The following ARFIP1 variants were observed in gnomAD, a reference collection of about 807,000 sequenced individuals.
The protein encoded by ARFIP1 is arfaptin-1.
ARFIP1 carries 24 observed loss-of-function variants against 42.5 expected under a neutral mutation model. The observed-to-expected ratio is 0.57, with a 90% confidence interval of 0.41 to 0.80. The LOEUF is 0.80. ARFIP1 is among the 30% of genes least tolerant of loss of function. The pLI is 0.00. For synonymous variants in ARFIP1, 141 were observed against 153.7 expected (o/e 0.92, Z 0.61); for missense variants, 354 against 434.0 (o/e 0.82, Z 1.64).
At chr4:152,863,471 G>C (rs1005275275) in intron 2 of ARFIP1, 135 bp from the exon 3 acceptor site, 1 of 531,510 alleles carries the variant, frequency 1.9e-6, no homozygotes, top group African/African-American at 1.9e-5. Flanking sequence ...AGAATGCCAT[G>C]ATAGCATAAG....
chr4:152,850,669 C>CA (rs1370071422), intron 2 of ARFIP1: 4 of 152,194 alleles, frequency 2.6e-5, no homozygotes, highest in Non-Finnish European at 5.9e-5. Context: ...AATCACCACA[C>CA]AGCTAAGAGC....
intron 8 of ARFIP1, among the ~76,000 whole-genome samples, chr4:152,903,145 A>G (rs1203745585): frequency 6.6e-6 from 1 of 152,224 alleles, no homozygotes; most frequent in East Asian, 1.9e-4. Context: ...AGGACATTAT[A>G]CACATGCATA....
intron 2 of ARFIP1, among the ~76,000 whole-genome samples, chr4:152,832,619 T>A (rs983024634): frequency 6.6e-6 from 1 of 152,246 alleles, no homozygotes; most frequent in South Asian, 2.1e-4. Flanking sequence ...CCTTCTGTAG[T>A]AATTTTTATG....
At position 152,829,750 on chromosome 4, in the gene ARFIP1, A is replaced by G. The variant is rs947630102; in HGVS notation, c.93+24A>G. On this transcript the variant is annotated intron_variant, in intron 2 of 8. Transcript: ENST00000353617. ...GGGTAAGAACACTTTTCTTTCTCTT[A>G]ATGCAAAGAATCATGGTAAGTCTTT... 9.9e-6 allele frequency: 15 copies of G among 1,516,560 alleles called. No homozygotes were observed. In the African/African-American group the frequency reaches 1.5e-4, roughly 15 times the overall value. The allele number at this position is 1,516,560 out of a possible 1,614,324, so 93.9% of individuals were successfully genotyped here. A position where few individuals can be genotyped will look rare whatever the true frequency, so the allele number is the denominator to read the frequency against.
At chr4:152,784,531 C>T (rs1173231664) in intron 1 of ARFIP1, among the ~76,000 whole-genome samples, 2 of 152,108 alleles carry the variant, frequency 1.3e-5, no homozygotes, top group Admixed American at 6.5e-5. Context: ...CACTTTTTTC[C>T]CTTAATGAAC....
intron 8 of ARFIP1, among the ~76,000 whole-genome samples, chr4:152,889,774 CTATATAT>C (rs1736634935): frequency 2.8e-5 from 1 of 35,980 alleles, no homozygotes; most frequent in African/African-American, 1.5e-4. Flanking sequence ...ATACTATATA[CTATATAT>C]ACTATATATT....
intron 8 of ARFIP1, among the ~76,000 whole-genome samples, chr4:152,901,528 G>T (rs939287812): frequency 6.6e-6 from 1 of 152,124 alleles, no homozygotes; most frequent in African/African-American, 2.4e-5. Context: ...AGATGTTTAC[G>T]AAAGTTCTTC....
At chr4:152,900,910 T>C (rs1737777891) in intron 8 of ARFIP1, among the ~76,000 whole-genome samples, 1 of 152,246 alleles carries the variant, frequency 6.6e-6, no homozygotes. Context: ...AAACCCCTAT[T>C]TCATAGAATT....
chr4:152,852,541 G>A (rs1183779475), intron 2 of ARFIP1, among the ~76,000 whole-genome samples: 1 of 152,002 alleles, frequency 6.6e-6, no homozygotes, highest in Non-Finnish European at 1.5e-5. Flanking sequence ...GCTGAGGCAG[G>A]AGAATTGCTT....
At position 152,912,186 on chromosome 4, in the gene ARFIP1, T is replaced by C. The variant is rs1029080169; in HGVS notation, c.*1967T>C. 3 of 152,180 alleles carry C rather than the reference T, an allele frequency of 2.0e-5. No individual in the cohort carries two copies. The highest frequency in any genetic ancestry group is 6.5e-5 in the Admixed American group (1 of 15,274). 9.4% of individuals were successfully genotyped at this position (152,180 alleles called of 1,614,324 possible). ...AAATTTAAAATATCCATGATTCTGA[T>C]AGTGGGCACATGACCAAAAGAAAAA... On this transcript the variant is annotated 3_prime_UTR_variant, in exon 9 of 9. Coordinates refer to ENST00000353617, the MANE Select transcript of ARFIP1 (RefSeq NM_001025595.3).
intron 1 of ARFIP1, among the ~76,000 whole-genome samples, chr4:152,804,453 TATATATA>T (rs1220074712): frequency 1.9e-4 from 21 of 111,590 alleles, no homozygotes; most frequent in African/African-American, 3.1e-4. Context: ...TTATATATAT[TATATATA>T]ATATATAATA....
intron 1 of ARFIP1, among the ~76,000 whole-genome samples, chr4:152,805,398 A>C (rs753635821): frequency 3.9e-5 from 6 of 152,246 alleles, no homozygotes; most frequent in Non-Finnish European, 2.9e-5. Flanking sequence ...TATTGATCCA[A>C]ATCATGGTTG....
chr4:152,813,328 A>G (rs1296951492), intron 1 of ARFIP1, among the ~76,000 whole-genome samples: 3 of 152,108 alleles, frequency 2.0e-5, no homozygotes, highest in Admixed American at 6.5e-5. Context: ...GGGTCCTGGA[A>G]CCAGTCCCCC....
chr4:152,887,446 G>A (rs531735847), intron 7 of ARFIP1, among the ~76,000 whole-genome samples: 3 of 152,170 alleles, frequency 2.0e-5, no homozygotes, highest in Non-Finnish European at 4.4e-5. Flanking sequence ...CACTTGAAAT[G>A]TGGCTAGTCT....
chr4:152,904,964 A>G (rs1370242261), intron 8 of ARFIP1, among the ~76,000 whole-genome samples: 1 of 152,196 alleles, frequency 6.6e-6, no homozygotes, highest in Non-Finnish European at 1.5e-5. Context: ...TCCTTGAGGA[A>G]TCACCACACT....
At chr4:152,886,831 G>C (rs1342422912) in intron 7 of ARFIP1, among the ~76,000 whole-genome samples, 1 of 151,932 alleles carries the variant, frequency 6.6e-6, no homozygotes, top group African/African-American at 2.4e-5. Context: ...GAATGAATCA[G>C]TGTATCAGTG....
At chr4:152,895,028 T>C (rs1737192270) in intron 8 of ARFIP1, among the ~76,000 whole-genome samples, 2 of 152,184 alleles carry the variant, frequency 1.3e-5, no homozygotes, top group African/African-American at 4.8e-5. Flanking sequence ...GACCAGAGCA[T>C]AGGGAGACAG....
rs1401008024 is a variant in ARFIP1 at position 152,883,406 on chromosome 4, CA to C, written c.791+527del. On this transcript the variant is annotated intron_variant, in intron 7 of 8. Transcript: ENST00000353617. ...TCCACAATAGCCAGACCCATACTTT[CA>C]GTTTCTATTGAATAAATAAGCTCAT... 7.2e-5 allele frequency: 11 copies of C among 152,238 alleles called. No homozygotes were observed. In the East Asian group the frequency reaches 2.1e-3, roughly 29 times the overall value. The allele number at this position is 152,238 out of a possible 1,614,324, so 9.4% of individuals were successfully genotyped here. A position where few individuals can be genotyped will look rare whatever the true frequency, so the allele number is the denominator to read the frequency against.
chr4:152,896,816 G>C (rs1737373523), intron 8 of ARFIP1, among the ~76,000 whole-genome samples: 1 of 150,654 alleles, frequency 6.6e-6, no homozygotes, highest in Non-Finnish European at 1.5e-5. Context: ...TCCAAAATGA[G>C]ACTTAAAATA....
Sources: gnomAD v4.1 joint callset for allele counts (sites outside exome capture counted in the v4.1 genomes callset) on GRCh38, gnomAD v4.1.1 for gene constraint, MANE v1.5 for transcripts, NCBI Gene and HGNC (gene_info 2026-07-23, HGNC 2026-07-21) for gene names.